Variants in LHFPL2 observed in about 807,000 individuals in gnomAD.
LHFPL2 encodes the protein LHFPL tetraspan subfamily member 2 protein.
Under a neutral mutation model 17.5 loss-of-function variants are expected in LHFPL2, and 7 were observed. The ratio of observed to expected loss-of-function variants is 0.40; its 90% confidence interval spans 0.23 to 0.75. The LOEUF (loss-of-function observed/expected upper bound fraction) is 0.75. Ranked by LOEUF, LHFPL2 falls within the 30% of genes least tolerant of loss-of-function variation. The probability of loss-of-function intolerance (pLI) is 0.37; values close to 1 mark genes in which losing one functional copy is unlikely to be tolerated. For synonymous variants in LHFPL2, 134 were observed against 116.2 expected, an observed-to-expected ratio of 1.15 and a Z score of -0.99; for missense variants, 241 against 294.8, an observed-to-expected ratio of 0.82 and a Z score of 1.34.
chr5:78,553,400 A>T (rs1466161224), intron 3 of LHFPL2, among the ~76,000 whole-genome samples: 1 of 152,162 alleles, frequency 6.6e-6, no homozygotes, highest in Non-Finnish European at 1.5e-5. Flanking sequence ...CCACAGCAGC[A>T]GTGACTTCTC....
chr5:78,629,602 A>C (rs1287653393), intron 2 of LHFPL2, among the ~76,000 whole-genome samples: 1 of 152,222 alleles, frequency 6.6e-6, no homozygotes, highest in Non-Finnish European at 1.5e-5. Context: ...AAAATCCACA[A>C]AGGCTGAGGG....
At chr5:78,524,026 C>T (rs997003902) in intron 3 of LHFPL2, among the ~76,000 whole-genome samples, 2 of 152,096 alleles carry the variant, frequency 1.3e-5, no homozygotes, top group African/African-American at 4.8e-5. Flanking sequence ...ACAGGAAGAC[C>T]TTAAACTTCT....
intron 2 of LHFPL2, among the ~76,000 whole-genome samples, chr5:78,601,729 T>C (rs2112473740): frequency 6.6e-6 from 1 of 152,292 alleles, no homozygotes; most frequent in East Asian, 1.9e-4. Flanking sequence ...GCAAACGTGC[T>C]GCAGAAAGAA....
In LHFPL2 at chr5:78,632,337, C is replaced by T. The variant is rs1426052885; in HGVS notation, c.-318G>A. On this transcript the variant is annotated 5_prime_UTR_variant, in exon 2 of 5. Transcript: ENST00000380345. ...ACAAAATGCAGAAACCATAGGCCAG[C>T]TGTCAACTCAAGAGTCTGATTCCCA... is the stretch of plus-strand genomic sequence containing the variant. 1 of 152,226 alleles carries T rather than the reference C, an allele frequency of 6.6e-6. No individual in the cohort carries two copies. The highest frequency in any genetic ancestry group is 1.5e-5 in the Non-Finnish European group (1 of 68,040). The allele number at this position is 152,226 out of a possible 1,614,324, so 9.4% of individuals were successfully genotyped here.
At chr5:78,520,846 C>T (rs918178863) in intron 3 of LHFPL2, among the ~76,000 whole-genome samples, 4 of 152,198 alleles carry the variant, frequency 2.6e-5, no homozygotes, top group Non-Finnish European at 5.9e-5. Flanking sequence ...TGCCCCGGGC[C>T]GCAGAGATGG....
At chr5:78,640,230 A>T (rs1745619798) in intron 1 of LHFPL2, among the ~76,000 whole-genome samples, 1 of 152,248 alleles carries the variant, frequency 6.6e-6, no homozygotes, top group Non-Finnish European at 1.5e-5. Context: ...GCACTTATTT[A>T]ATTCAGTATT....
rs566626427 is a variant in LHFPL2, at chr5:78,555,106, G to A, written c.-186+9707C>T. ...ATAATTCCAATGTAACCAAAAAAAT[G>A]CATATTGAAATATGGAAATAATTAA... On this transcript the variant is annotated intron_variant, in intron 3 of 4. Transcript: ENST00000380345. Among the ~76,000 whole-genome samples the A allele has an allele frequency of 8.5e-5, 13 of 152,220 alleles. No individual in the cohort carries two copies. The East Asian group carries it at 2.5e-3, about 29-fold the overall frequency.
At chr5:78,604,402 G>A (rs887113431) in intron 2 of LHFPL2, among the ~76,000 whole-genome samples, 28 of 152,162 alleles carry the variant, frequency 1.8e-4, no homozygotes, top group Non-Finnish European at 2.6e-4. Context: ...GCTTGAACCC[G>A]GGAGGCGGAG....
At chr5:78,645,543 T>TACACACACACAC (rs56911011) in intron 1 of LHFPL2, among the ~76,000 whole-genome samples, 1 of 137,236 alleles carries the variant, frequency 7.3e-6, no homozygotes, top group African/African-American at 2.8e-5. Flanking sequence ...GACAGATGCA[T>TACACACACACAC]ACACACACAC....
chr5:78,559,140 G>T (rs1323640441), intron 3 of LHFPL2, among the ~76,000 whole-genome samples: 1 of 152,182 alleles, frequency 6.6e-6, no homozygotes, highest in East Asian at 1.9e-4. Flanking sequence ...CCTCTGGTCA[G>T]CTGCTCCAGT....
intron 1 of LHFPL2, among the ~76,000 whole-genome samples, chr5:78,632,650 T>A (rs557928753): frequency 6.6e-6 from 1 of 152,214 alleles, no homozygotes; most frequent in East Asian, 1.9e-4. Flanking sequence ...GTCTTCTATA[T>A]GCCAGGTACC....
chr5:78,500,672 TATAAC>T (rs1267639696), intron 4 of LHFPL2, among the ~76,000 whole-genome samples: 1 of 152,136 alleles, frequency 6.6e-6, no homozygotes, highest in Non-Finnish European at 1.5e-5. Context: ...ATAAAAGTAA[TATAAC>T]AAAGTAGGAG....
chr5:78,514,116 G>A (rs530484520), intron 3 of LHFPL2, among the ~76,000 whole-genome samples: 20 of 152,254 alleles, frequency 1.3e-4, no homozygotes, highest in African/African-American at 4.3e-4. Flanking sequence ...AGCCCTCTTC[G>A]GCCTGGCATC....
At chr5:78,638,651 C>T (rs1037146196) in intron 1 of LHFPL2, among the ~76,000 whole-genome samples, 17 of 152,268 alleles carry the variant, frequency 1.1e-4, no homozygotes, top group Middle Eastern at 6.8e-3. Flanking sequence ...CAAAGGCTGA[C>T]GCACCCTTGG....
In LHFPL2 at chr5:78,509,774, G is replaced by C; in HGVS notation, c.430+10C>G. On this transcript the variant is annotated intron_variant, in intron 4 of 4. Coordinates refer to ENST00000380345, the MANE Select transcript of LHFPL2 (RefSeq NM_005779.3). Reference sequence around the variant, plus strand: ...TCCATCCCACCGTGCCCGGGGTCCTGCCTTCTTACCTGCAATTCCTTGCAA... The same window carrying C: ...TCCATCCCACCGTGCCCGGGGTCCTCCCTTCTTACCTGCAATTCCTTGCAA... 2.5e-6 allele frequency: 4 copies of C among 1,604,080 alleles called. No individual in the cohort carries two copies. The highest frequency in any genetic ancestry group is 3.4e-6 in the Non-Finnish European group (4 of 1,172,198).
At chr5:78,537,455 C>T (rs370274446) in intron 3 of LHFPL2, among the ~76,000 whole-genome samples, 6 of 152,226 alleles carry the variant, frequency 3.9e-5, no homozygotes, top group African/African-American at 1.2e-4. Context: ...TCTCTCCTCC[C>T]GCTTTGCCCA....
intron 2 of LHFPL2, chr5:78,589,980 G>A (rs1179555194): frequency 6.6e-6 from 1 of 152,206 alleles, no homozygotes; most frequent in Non-Finnish European, 1.5e-5. Flanking sequence ...TATGACCTGT[G>A]TCACATGTAA....
intron 3 of LHFPL2, among the ~76,000 whole-genome samples, chr5:78,536,004 C>T (rs1267984847): frequency 6.6e-6 from 1 of 152,186 alleles, no homozygotes; most frequent in African/African-American, 2.4e-5. Context: ...GACACCTGTG[C>T]AGAGGTATTC....
Position 78,619,485 on chromosome 5 carries a change from T to TTATA in LHFPL2, c.-245+12775_-245+12778dup, listed in dbSNP as rs60911149. Among the ~76,000 whole-genome samples the TTATA allele has an allele frequency of 6.4e-3, 953 of 148,872 alleles. 9 individuals carry two copies. The highest frequency in any genetic ancestry group is 0.022 in the African/African-American group (905 of 40,728). ...ACTCGCTATGCCTCAGAGTTTTTAT[T>TTATA]TATATATATATATATTTATTTTATT... On this transcript the variant is annotated intron_variant, in intron 2 of 4. Transcript: ENST00000380345.
Sources: gnomAD v4.1 joint callset for allele counts (sites outside exome capture counted in the v4.1 genomes callset) on GRCh38, gnomAD v4.1.1 for gene constraint, MANE v1.5 for transcripts, NCBI Gene and HGNC (gene_info 2026-07-23, HGNC 2026-07-21) for gene names.